TBCEL: variants seen among roughly 807,000 people sequenced by gnomAD.
The protein encoded by TBCEL is tubulin folding cofactor E like.
A neutral mutation model predicts 44.2 loss-of-function variants in TBCEL; 15 were observed. The observed-to-expected ratio is 0.34, with a 90% CI of 0.23 to 0.52. The LOEUF is 0.52. TBCEL is among the 20% of genes least tolerant of loss of function. TBCEL has a pLI of 0.95. For synonymous variants in TBCEL, 171 were observed against 185.4 expected, an observed-to-expected ratio of 0.92 and a Z score of 0.63; for missense variants, 319 against 506.3, an observed-to-expected ratio of 0.63 and a Z score of 3.55.
At chr11:121,058,568 T>G in intron 7 of TBCEL, 97 bp downstream of exon 7, 1 of 1,487,636 alleles carries the variant, frequency 6.7e-7, no homozygotes, top group Non-Finnish European at 9.3e-7. Flanking sequence ...TATGAAATTA[T>G]TCATCCTTTG....
At position 121,051,859 on chromosome 11, in the gene TBCEL, A is replaced by G. The variant is rs532499732; in HGVS notation, c.274-1692A>G. Among the ~76,000 whole-genome samples, 26 of 151,964 alleles carry G rather than the reference A, an allele frequency of 1.7e-4. No individual in the cohort carries two copies. In the East Asian group the frequency reaches 2.1e-3, roughly 12 times the overall value. ...CACCTACTCTTCTGAAACTTCTTGG[A>G]ATTAATCTACTTCTCACTGATTTTA... On this transcript the variant is annotated intron_variant, in intron 4 of 8. Coordinates refer to ENST00000683345, the MANE Select transcript of TBCEL (RefSeq NM_001363644.2).
chr11:121,043,311 A>G (rs1945368200), intron 2 of TBCEL, among the ~76,000 whole-genome samples: 1 of 150,638 alleles, frequency 6.6e-6, no homozygotes, highest in African/African-American at 2.5e-5. Context: ...TACTGAAAGA[A>G]ATAGGATTAC....
At chr11:121,059,303 G>T (rs1286556449) in intron 7 of TBCEL, among the ~76,000 whole-genome samples, 1 of 151,902 alleles carries the variant, frequency 6.6e-6, no homozygotes, top group Non-Finnish European at 1.5e-5. Context: ...CTTGCAGTAG[G>T]TCTTGTGCTT....
chr11:121,084,450 A>G (rs1013212339), intron 8 of TBCEL, among the ~76,000 whole-genome samples: 1 of 151,932 alleles, frequency 6.6e-6, no homozygotes, highest in Non-Finnish European at 1.5e-5. Flanking sequence ...TTTCTTTCAA[A>G]TTGAGTTCTG....
chr11:121,077,549 G>A (rs1377540882), intron 8 of TBCEL, among the ~76,000 whole-genome samples: 2 of 151,938 alleles, frequency 1.3e-5, no homozygotes, highest in African/African-American at 2.4e-5. Context: ...TATCAAATTT[G>A]CAAACCTTTT....
chr11:121,043,978 A>C (rs192563929), intron 2 of TBCEL, among the ~76,000 whole-genome samples: 5 of 152,146 alleles, frequency 3.3e-5, no homozygotes, highest in Admixed American at 2.6e-4. Context: ...CTTCTGTAAA[A>C]CTGGCTCTGT....
In TBCEL at chr11:121,090,208, A is replaced by AAAGATTTTGCTTT. The variant is rs1946270789; in HGVS notation, c.*3112_*3113insAAGATTTTGCTTT. ...AGTGTTGTTTTTAAAGATTTTGCTT[A>AAAGATTTTGCTTT]TTTTTAAAGACAGGAAAATTCAGTT... On this transcript the variant is annotated 3_prime_UTR_variant, in exon 9 of 9. Transcript: ENST00000683345. The AAAGATTTTGCTTT allele has an allele frequency of 6.6e-6, 1 of 152,130 alleles. No homozygotes were observed. The highest frequency in any genetic ancestry group is 1.9e-4 in the East Asian group (1 of 5,196). The allele number at this position is 152,130 out of a possible 1,614,324, so 9.4% of individuals were successfully genotyped here. A position where few individuals can be genotyped will look rare whatever the true frequency, so the allele number is the denominator to read the frequency against.
chr11:121,073,445 T>A (rs1945973463), intron 8 of TBCEL, among the ~76,000 whole-genome samples: 1 of 151,994 alleles, frequency 6.6e-6, no homozygotes, highest in Non-Finnish European at 1.5e-5. Flanking sequence ...CATTTCTAAT[T>A]GATTATTGTT....
intron 8 of TBCEL, among the ~76,000 whole-genome samples, chr11:121,081,811 A>G (rs1946130953): frequency 6.6e-6 from 1 of 152,170 alleles, no homozygotes; most frequent in South Asian, 2.1e-4. Flanking sequence ...ATTTTTATTT[A>G]TGTAACTTTT....
Position 121,047,605 on chromosome 11 carries a change from G to A in TBCEL, c.211G>A (p.Ala71Thr). The change falls in exon 4 of 9, where the codon GCT becomes ACT. Residue 71 changes from alanine to threonine, a missense_variant. Ala to Thr is a moderately conservative substitution (Grantham distance 58). Coordinates refer to ENST00000683345, the MANE Select transcript of TBCEL (RefSeq NM_001363644.2). Reference protein sequence around the residue: ...TCAGDEKEIAAFCAHVSELDL... With the variant: ...TCAGDEKEIATFCAHVSELDL... The stretch of plus-strand genomic sequence containing the variant: ...TGCAGGAGATGAAAAAGAAATTGCT[G>A]CTTTCTGCGCTCATGTGTCGGAACT... 2.5e-6 allele frequency: 4 copies of A among 1,612,762 alleles called. No individual in the cohort carries two copies. The highest frequency in any genetic ancestry group is 3.4e-6 in the Non-Finnish European group (4 of 1,179,220).
chr11:121,036,836 G>A (rs536216498), intron 2 of TBCEL, among the ~76,000 whole-genome samples: 5 of 152,304 alleles, frequency 3.3e-5, no homozygotes, highest in South Asian at 4.1e-4. Flanking sequence ...TATATGCAAC[G>A]TAGTTCTTTA....
intron 4 of TBCEL, 169 bp downstream of exon 4, chr11:121,047,836 C>A: frequency 2.4e-6 from 2 of 836,908 alleles, no homozygotes; most frequent in Non-Finnish European, 3.5e-6. Context: ...ATAAATAAGG[C>A]CTATAATCCC....
At chr11:121,043,480 AT>A (rs1945371032) in intron 2 of TBCEL, among the ~76,000 whole-genome samples, 1 of 152,192 alleles carries the variant, frequency 6.6e-6, no homozygotes, top group Non-Finnish European at 1.5e-5. Context: ...TTGAAGCATT[AT>A]CTGGCTAATA....
intron 3 of TBCEL, 82 bp downstream of exon 3, chr11:121,045,905 G>A: frequency 7.4e-7 from 1 of 1,356,224 alleles, no homozygotes; most frequent in Non-Finnish European, 9.7e-7. Flanking sequence ...GTTTGCAAAT[G>A]ATTTATTTTA....
intron 6 of TBCEL, among the ~76,000 whole-genome samples, chr11:121,056,268 A>G (rs545846990): frequency 6.6e-6 from 1 of 151,970 alleles, no homozygotes; most frequent in South Asian, 2.1e-4. Flanking sequence ...TCACTTAGGA[A>G]TATGCCTTTA....
At chr11:121,035,636 A>G (rs1348940845) in intron 1 of TBCEL, 1 of 152,196 alleles carries the variant, frequency 6.6e-6, no homozygotes, top group East Asian at 1.9e-4. Context: ...GCTTTTCCTT[A>G]ACATGATGGC....
chr11:121,024,464 C>T (rs1945008252), intron 1 of TBCEL, among the ~76,000 whole-genome samples, 173 bp downstream of exon 1: 1 of 146,918 alleles, frequency 6.8e-6, no homozygotes, highest in African/African-American at 2.5e-5. Context: ...GAGACCTGCC[C>T]TGGGGCTAGA....
chr11:121,034,514 G>T (rs1945197415), intron 1 of TBCEL, among the ~76,000 whole-genome samples: 1 of 152,058 alleles, frequency 6.6e-6, no homozygotes, highest in South Asian at 2.1e-4. Flanking sequence ...GAGTTTATTA[G>T]TCAATCTATT....
intron 1 of TBCEL, among the ~76,000 whole-genome samples, chr11:121,025,698 A>G (rs1466922784): frequency 6.6e-6 from 1 of 151,546 alleles, no homozygotes; most frequent in Non-Finnish European, 1.5e-5. Flanking sequence ...AAGAGCAGGG[A>G]TGATTCTAAG....
Sources: gnomAD v4.1 joint callset for allele counts (sites outside exome capture counted in the v4.1 genomes callset) on GRCh38, gnomAD v4.1.1 for gene constraint, MANE v1.5 for transcripts, NCBI Gene and HGNC (gene_info 2026-07-23, HGNC 2026-07-21) for gene names.